Variants in BRD9 observed in about 807,000 individuals in gnomAD.
The protein encoded by BRD9 is bromodomain containing 9, also known as bromodomain-containing protein 9.
BRD9 carries 47 observed loss-of-function variants against 68.7 expected under a neutral mutation model. The observed-to-expected ratio is 0.68, with a 90% CI of 0.54 to 0.87. The LOEUF is 0.87. Ranked by LOEUF, BRD9 falls within the 40% of genes least tolerant of loss-of-function variation. BRD9 has a pLI of 0.00. For synonymous variants in BRD9, 313 were observed against 293.9 expected (o/e 1.06, Z -0.67); for missense variants, 670 against 748.4 (o/e 0.90, Z 1.22).
chr5:876,320 C>G, intron 11 of BRD9, 108 bp from the exon 12 acceptor site: 1 of 751,186 alleles, frequency 1.3e-6, no homozygotes, highest in Non-Finnish European at 2.2e-6. Context: ...CCTCGGTCCC[C>G]GTGACCCTCC....
chr5:892,664 G>C lies in BRD9; in HGVS notation c.-7C>G, dbSNP rs1753639661. On this transcript the variant is annotated 5_prime_UTR_variant, in exon 1 of 16. Coordinates refer to ENST00000467963, the MANE Select transcript of BRD9 (RefSeq NM_023924.5). ...TCTTGTGCTTCTTGCCCATGGCGGC[G>C]CCGGCGGCGGGCCCGAGGCGGGGGC... The C allele has an allele frequency of 7.1e-7, 1 of 1,413,616 alleles. No individual in the cohort carries two copies. The highest frequency in any genetic ancestry group is 3.1e-5 in the East Asian group (1 of 32,482). The allele number at this position is 1,413,616 out of a possible 1,614,324, so 87.6% of individuals were successfully genotyped here.
At chr5:883,173 A>T in intron 8 of BRD9, 1 of 373,946 alleles carries the variant, frequency 2.7e-6, no homozygotes, top group Non-Finnish European at 5.3e-6. Flanking sequence ...GGCAAAAAGC[A>T]GCAGACACCT....
rs1752120127 is a variant in BRD9 at position 883,620 on chromosome 5, G to A, written c.966+318C>T. On this transcript the variant is annotated intron_variant, in intron 8 of 15. Transcript: ENST00000467963. The stretch of plus-strand genomic sequence containing the variant: ...GCGGTGCCTCACGTCAACACCCAGT[G>A]ACAGAGACACAGAAGTCAGCATTCA... 1.6e-5 allele frequency: 7 copies of A among 444,316 alleles called. 1 individual carries two copies. Among genetic ancestry groups the A allele is most frequent in the South Asian group, 1.2e-4 (6 of 48,538 alleles). The allele number at this position is 444,316 out of a possible 1,614,324, so 27.5% of individuals were successfully genotyped here. A position where few individuals can be genotyped will look rare whatever the true frequency, so the allele number is the denominator to read the frequency against.
Position 881,091 on chromosome 5 carries a change from C to G in BRD9, c.1042+16G>C. The G allele has an allele frequency of 1.2e-6, 2 of 1,613,776 alleles. No individual in the cohort carries two copies. The highest frequency in any genetic ancestry group is 1.1e-5 in the South Asian group (1 of 91,076). On this transcript the variant is annotated intron_variant, in intron 9 of 15. Coordinates refer to ENST00000467963, the MANE Select transcript of BRD9 (RefSeq NM_023924.5). ...GTGTACGGAGAGCATAAAGCCAGCCCTGAGCGGGCACCCACCATCAGCGTC... is the reference window on the plus strand; with the variant it reads ...GTGTACGGAGAGCATAAAGCCAGCCGTGAGCGGGCACCCACCATCAGCGTC...
At chr5:865,302 C>CCATGCAG in intron 15 of BRD9, 112 bp downstream of exon 15, 1 of 1,365,740 alleles carries the variant, frequency 7.3e-7, no homozygotes, top group Non-Finnish European at 9.8e-7. Context: ...GCACCGCTGC[C>CCATGCAG]CATGCAGCCT....
chr5:865,712 C>T (rs566784888), intron 14 of BRD9, 131 bp from the exon 15 acceptor site: 16 of 1,032,918 alleles, frequency 1.5e-5, no homozygotes, highest in Admixed American at 4.9e-5. Flanking sequence ...ACTGAGTGGA[C>T]GAGCTCACAG....
intron 6 of BRD9, among the ~76,000 whole-genome samples, chr5:887,136 A>G (rs1329915506): frequency 6.6e-6 from 1 of 152,262 alleles, no homozygotes; most frequent in Admixed American, 6.5e-5. Flanking sequence ...CCCAGGCTTA[A>G]GATCAAGAGA....
In BRD9 at chr5:881,473, G is replaced by C; in HGVS notation, c.967-291C>G. 5 of 484,770 alleles carry C rather than the reference G, an allele frequency of 1.0e-5. No individual in the cohort carries two copies. In the South Asian group the frequency reaches 1.1e-4, roughly 11 times the overall value. 30.0% of individuals were successfully genotyped at this position (484,770 alleles called of 1,614,324 possible). ...ACATTTAAAATTGCTCATGAGCCTT[G>C]ACAAAATGGAACGGTCAGCAGGTCA... On this transcript the variant is annotated intron_variant, in intron 8 of 15. Transcript: ENST00000467963.
At chr5:865,823 G>A (rs1749304306) in intron 14 of BRD9, 3 of 496,426 alleles carry the variant, frequency 6.0e-6, no homozygotes, top group Non-Finnish European at 1.1e-5. Flanking sequence ...CATCAGACAA[G>A]ACCTAGCACC....
Position 891,872 on chromosome 5 carries a change from G to A in BRD9, c.53-18C>T, listed in dbSNP as rs1255925750. ...GGCATAATCTGCACAGACACAGACC[G>A]AGTTCTACCCGCGTGCTCAGGTGCA... On this transcript the variant is annotated intron_variant, in intron 1 of 15. Coordinates refer to ENST00000467963, the MANE Select transcript of BRD9 (RefSeq NM_023924.5). 4 of 1,550,142 alleles carry A rather than the reference G, an allele frequency of 2.6e-6. No individual in the cohort carries two copies. In the South Asian group the frequency reaches 3.6e-5, roughly 14 times the overall value.
chr5:889,995 C>T (rs140987819), intron 3 of BRD9: 1 of 342,820 alleles, frequency 2.9e-6, no homozygotes, highest in Non-Finnish European at 5.8e-6. Context: ...ATCCTGAATT[C>T]ACCGATTATT....
At chr5:881,625 G>T in intron 8 of BRD9, 1 of 239,294 alleles carries the variant, frequency 4.2e-6, no homozygotes, top group Non-Finnish European at 8.3e-6. Context: ...AGGAAGAGGA[G>T]GCACTGGTGT....
At chr5:865,115 C>G (rs374384429) in intron 15 of BRD9, among the ~76,000 whole-genome samples, 1 of 152,248 alleles carries the variant, frequency 6.6e-6, no homozygotes, top group African/African-American at 2.4e-5. Context: ...TGCTCTCTCC[C>G]CAGCAGAAAC....
chr5:873,066 G>A (rs1222330631), intron 12 of BRD9, among the ~76,000 whole-genome samples: 1 of 152,216 alleles, frequency 6.6e-6, no homozygotes. Context: ...TCGGGAGGCT[G>A]AGGCAGGAGA....
At chr5:881,233 C>G in intron 8 of BRD9, 51 bp from the exon 9 acceptor site, 1 of 1,564,580 alleles carries the variant, frequency 6.4e-7, no homozygotes, top group Admixed American at 1.7e-5. Context: ...GGCAGCGCAG[C>G]ACAAATGAAA....
At chr5:891,602 C>A in intron 2 of BRD9, 38 bp downstream of exon 2, 2 of 1,545,334 alleles carry the variant, frequency 1.3e-6, no homozygotes, top group East Asian at 2.4e-5. Flanking sequence ...ACGGGCTCCT[C>A]GTGGGCAGCG....
Position 865,327 on chromosome 5 carries a change from A to G in BRD9, c.1693+87T>C, listed in dbSNP as rs80223336. On this transcript the variant is annotated intron_variant, in intron 15 of 15. Coordinates refer to ENST00000467963, the MANE Select transcript of BRD9 (RefSeq NM_023924.5). ...CCATGCAGCCTCCAGCCTTCCCACAACTACAATGCTGCCCACTACCTCGTC... is the reference window on the plus strand; with the variant it reads ...CCATGCAGCCTCCAGCCTTCCCACAGCTACAATGCTGCCCACTACCTCGTC... The G allele has an allele frequency of 6.6e-3, 9,468 of 1,444,516 alleles. 407 individuals are homozygous for G. In the African/African-American group the frequency reaches 0.1, roughly 16 times the overall value. 89.5% of individuals were successfully genotyped at this position (1,444,516 alleles called of 1,614,324 possible).
In BRD9 at chr5:878,343, G is replaced by C; in HGVS notation, c.1271+12C>G. 1 of 1,612,998 alleles carries C rather than the reference G, an allele frequency of 6.2e-7. No homozygotes were observed. Among genetic ancestry groups the C allele is most frequent in the Non-Finnish European group, 8.5e-7 (1 of 1,180,024 alleles). ...GCACAGCAGCCAAGGGCTCCCCGGG[G>C]CCGACACTTGCCTCAGCGCACACTG... On this transcript the variant is annotated intron_variant, in intron 11 of 15. Transcript: ENST00000467963.
intron 6 of BRD9, 33 bp downstream of exon 6, chr5:887,328 T>C (rs747745223): frequency 1.9e-6 from 3 of 1,561,274 alleles, no homozygotes; most frequent in Non-Finnish European, 2.6e-6. Context: ...GCCCCTGCTT[T>C]CCGTAGCTCG....
Sources: allele counts gnomAD v4.1 joint callset (sites outside exome capture counted in the v4.1 genomes callset), GRCh38; gene constraint gnomAD v4.1.1; transcripts MANE v1.5; gene names NCBI Gene and HGNC (gene_info 2026-07-23, HGNC 2026-07-21).